EDNRB: variants seen among roughly 807,000 people sequenced by gnomAD.
EDNRB encodes endothelin receptor type B.
Under a neutral mutation model 46.4 loss-of-function variants are expected in EDNRB, and 18 were observed. The observed-to-expected ratio is 0.39, with a 90% confidence interval of 0.27 to 0.57. The LOEUF (loss-of-function observed/expected upper bound fraction) is 0.57, where lower values mean the gene tolerates loss of function less well. EDNRB is among the 20% of genes least tolerant of loss of function. The probability of loss-of-function intolerance (pLI) is 0.61; values close to 1 mark genes in which losing one functional copy is unlikely to be tolerated. For missense variants in EDNRB, 434 were observed against 537.5 expected, an observed-to-expected ratio of 0.81 and a Z score of 1.90; for synonymous variants, 213 against 204.9, an observed-to-expected ratio of 1.04 and a Z score of -0.34.
intron 1 of EDNRB, among the ~76,000 whole-genome samples, chr13:77,926,003 A>C (rs2137649035): frequency 6.6e-6 from 1 of 152,338 alleles, no homozygotes; most frequent in Middle Eastern, 3.4e-3. Context: ...TGGAGCTTTA[A>C]GATTTGACTG....
chr13:77,913,650 G>GAATTTTTA (rs1161059208), intron 1 of EDNRB, among the ~76,000 whole-genome samples: 1 of 152,122 alleles, frequency 6.6e-6, no homozygotes, highest in Non-Finnish European at 1.5e-5. Context: ...ATTTGCTCAA[G>GAATTTTTA]AATTTTTAAC....
In EDNRB at chr13:77,898,340, C is replaced by T. The variant is rs1878745487; in HGVS notation, c.1195-6G>A. Reference sequence around the variant, plus strand: ...CACCAGCAGCATAAGCATGACTGTACAAAACAAAGTAACTCATTATATGTT... The same window carrying T: ...CACCAGCAGCATAAGCATGACTGTATAAAACAAAGTAACTCATTATATGTT... On this transcript the variant is annotated splice_polypyrimidine_tract_variant and splice_region_variant and intron_variant, in intron 6 of 6. Transcript: ENST00000646607. 1 of 1,611,478 alleles carries T rather than the reference C, an allele frequency of 6.2e-7. No homozygotes were observed. The highest frequency in any genetic ancestry group is 8.5e-7 in the Non-Finnish European group (1 of 1,178,450).
chr13:77,927,880 C>A (rs551528449), intron 1 of EDNRB, among the ~76,000 whole-genome samples: 1 of 152,226 alleles, frequency 6.6e-6, no homozygotes, highest in East Asian at 1.9e-4. Context: ...GTAATTGAAT[C>A]ATGGGGGTGA....
chr13:77,937,508 G>T (rs1216679562), intron 1 of EDNRB, among the ~76,000 whole-genome samples: 1 of 152,172 alleles, frequency 6.6e-6, no homozygotes, highest in Non-Finnish European at 1.5e-5. Context: ...ATTTAATGGG[G>T]TCTGATGAGA....
chr13:77,961,430 C>A (rs932070807), intron 1 of EDNRB, among the ~76,000 whole-genome samples: 3 of 152,162 alleles, frequency 2.0e-5, no homozygotes, highest in Non-Finnish European at 4.4e-5. Flanking sequence ...AACCAACAGT[C>A]TCTCAGACTA....
Position 77,901,221 on chromosome 13 carries a change from A to G in EDNRB, c.802-14T>C, listed in dbSNP as rs1878961705. 6.2e-7 allele frequency: 1 copy of G among 1,609,312 alleles called. No individual in the cohort carries two copies. The highest frequency in any genetic ancestry group is 8.5e-7 in the Non-Finnish European group (1 of 1,177,394). On this transcript the variant is annotated splice_polypyrimidine_tract_variant and intron_variant, in intron 3 of 6. Coordinates refer to ENST00000646607, the MANE Select transcript of EDNRB (RefSeq NM_001122659.3). ...TGTCTTGTAAAACTATAGGGATGAG[A>G]GAATTTTTACGATTAATACTCCTCT...
intron 1 of EDNRB, among the ~76,000 whole-genome samples, chr13:77,932,739 A>C (rs1487516873): frequency 6.6e-6 from 1 of 152,232 alleles, no homozygotes; most frequent in Non-Finnish European, 1.5e-5. Flanking sequence ...CAAGACCAAA[A>C]ATACTAAGTG....
intron 1 of EDNRB, among the ~76,000 whole-genome samples, chr13:77,940,700 GGTGTGTGTGTGTGTGTGT>G (rs6145134): frequency 0.07 from 10,413 of 148,920 alleles, 440 homozygotes; most frequent in Middle Eastern, 0.13. Context: ...AGATGAATTG[GGTGTGTGTGTGTGTGTGT>G]GTGTGTGTGT....
chr13:77,921,103 C>T (rs1322227900), upstream of EDNRB, among the ~76,000 whole-genome samples: 1 of 152,178 alleles, frequency 6.6e-6, no homozygotes, highest in Non-Finnish European at 1.5e-5. Context: ...ACATAAGAGA[C>T]ATCTATGGGT....
At chr13:77,970,015 C>G (rs1042588257) in intron 1 of EDNRB, among the ~76,000 whole-genome samples, 1 of 152,140 alleles carries the variant, frequency 6.6e-6, no homozygotes, top group Non-Finnish European at 1.5e-5. Context: ...CTTTAACATT[C>G]CCACTTGCCT....
At chr13:77,958,804 GAAATTAATGT>G (rs1439115911) in intron 1 of EDNRB, among the ~76,000 whole-genome samples, 29 of 152,346 alleles carry the variant, frequency 1.9e-4, no homozygotes, top group African/African-American at 6.5e-4. Context: ...TGTTAAGGAA[GAAATTAATGT>G]AAATGTGAAG....
At chr13:77,964,543 C>T (rs1407507188) in intron 1 of EDNRB, among the ~76,000 whole-genome samples, 1 of 141,178 alleles carries the variant, frequency 7.1e-6, no homozygotes, top group African/African-American at 2.5e-5. Context: ...AAACCAAACA[C>T]CGCATGTTCT....
intron 1 of EDNRB, chr13:77,947,716 C>T (rs975827801): frequency 2.6e-5 from 4 of 152,248 alleles, no homozygotes; most frequent in African/African-American, 9.7e-5. Flanking sequence ...TCAAGCAATC[C>T]TCCTGCCTCA....
In EDNRB at chr13:77,965,763, G is replaced by A. The variant is rs78889719; in HGVS notation, c.-52+9584C>T. 2.4e-4 allele frequency among the ~76,000 whole-genome samples: 37 copies of A among 152,254 alleles called. No homozygotes were observed. In the East Asian group the frequency reaches 5.8e-3, roughly 24 times the overall value. ...ACACAAGTAAAGAAAATGCTAGAAG[G>A]GGAAATAGGAAGCTCTAGATATTGA... On this transcript the variant is annotated intron_variant, in intron 1 of 7. Transcript: ENST00000646948.
At position 77,897,681 on chromosome 13, in the gene EDNRB, T is replaced by G. The variant is rs1878704622; in HGVS notation, c.*519A>C. ...TGTCCGAAAAATGCAACAACTAAACTGCTCTCTCATTTGCATCTAATTACA... is the reference window on the plus strand; with the variant it reads ...TGTCCGAAAAATGCAACAACTAAACGGCTCTCTCATTTGCATCTAATTACA... On this transcript the variant is annotated 3_prime_UTR_variant, in exon 7 of 7. Transcript: ENST00000646607. 2 of 986,846 alleles carry G rather than the reference T, an allele frequency of 2.0e-6. No individual in the cohort carries two copies. Among genetic ancestry groups the G allele is most frequent in the South Asian group, 4.7e-5 (1 of 21,404 alleles). The allele number at this position is 986,846 out of a possible 1,614,324, so 61.1% of individuals were successfully genotyped here. A position where few individuals can be genotyped will look rare whatever the true frequency, so the allele number is the denominator to read the frequency against.
Position 77,899,975 on chromosome 13 carries a change from A to G in EDNRB, c.1086-8T>C, listed in dbSNP as rs1376777766. On this transcript the variant is annotated splice_polypyrimidine_tract_variant and splice_region_variant and intron_variant, in intron 5 of 6. Coordinates refer to ENST00000646607, the MANE Select transcript of EDNRB (RefSeq NM_001122659.3). ...TCCAATACCAACAGAAAGCTGCAAC[A>G]AAATAACCCAAAATGTGTCTGAAAA... 6.2e-7 allele frequency: 1 copy of G among 1,603,180 alleles called. No homozygotes were observed. The highest frequency in any genetic ancestry group is 1.3e-5 in the African/African-American group (1 of 74,760).
intron 1 of EDNRB, among the ~76,000 whole-genome samples, chr13:77,925,261 C>T (rs746872733): frequency 2.6e-5 from 4 of 152,182 alleles, no homozygotes; most frequent in Non-Finnish European, 4.4e-5. Flanking sequence ...AATAATATCC[C>T]ACTGTTTGTA....
chr13:77,934,767 G>A (rs557280027), intron 1 of EDNRB, among the ~76,000 whole-genome samples: 2 of 152,074 alleles, frequency 1.3e-5, no homozygotes, highest in African/African-American at 4.8e-5. Context: ...AGATTTCCAT[G>A]ATGGAAAGGA....
chr13:77,921,630 T>A (rs1880088600), upstream of EDNRB, among the ~76,000 whole-genome samples: 1 of 152,220 alleles, frequency 6.6e-6, no homozygotes, highest in Non-Finnish European at 1.5e-5. Flanking sequence ...TTTCTTATTT[T>A]GGGGAAACAG....
Sources: gnomAD v4.1 joint callset for allele counts (sites outside exome capture counted in the v4.1 genomes callset) on GRCh38, gnomAD v4.1.1 for gene constraint, MANE v1.5 for transcripts, NCBI Gene and HGNC (gene_info 2026-07-23, HGNC 2026-07-21) for gene names.